PVT1: variants seen among roughly 807,000 people sequenced by gnomAD.
PVT1 encodes Pvt1 oncogene.
intron 4 of PVT1, among the ~76,000 whole-genome samples, chr8:128,065,229 T>C (rs1359966356): frequency 6.6e-6 from 1 of 152,086 alleles, no homozygotes; most frequent in Non-Finnish European, 1.5e-5. Context: ...TTTCACTCTG[T>C]CTCCCAGGCT....
chr8:127,935,788 C>T (rs143567199), intron 3 of PVT1, among the ~76,000 whole-genome samples: 360 of 152,278 alleles, frequency 2.4e-3, no homozygotes, highest in African/African-American at 8.0e-3. Flanking sequence ...CCGTATGGAG[C>T]GGAGAACAGT....
intron 5 of PVT1, among the ~76,000 whole-genome samples, chr8:128,079,282 T>G (rs1814141805): frequency 6.6e-6 from 1 of 152,210 alleles, no homozygotes; most frequent in Non-Finnish European, 1.5e-5. Context: ...TGCTCAGCTC[T>G]CTGTGTGTAT....
At chr8:128,033,926 A>G (rs1203333884) in intron 4 of PVT1, among the ~76,000 whole-genome samples, 1 of 152,040 alleles carries the variant, frequency 6.6e-6, no homozygotes, top group Non-Finnish European at 1.5e-5. Flanking sequence ...TTGCTTTCCC[A>G]TGTTAAGAAG....
chr8:127,986,925 C>A (rs1357368985), intron 3 of PVT1, among the ~76,000 whole-genome samples: 1 of 152,128 alleles, frequency 6.6e-6, no homozygotes, highest in African/African-American at 2.4e-5. Flanking sequence ...TTATTGCAAC[C>A]CCATCTCCCC....
chr8:127,991,106 G>A (rs574277993), intron 4 of PVT1, among the ~76,000 whole-genome samples: 1 of 151,608 alleles, frequency 6.6e-6, no homozygotes, highest in South Asian at 2.1e-4. Flanking sequence ...GTCTTCCTTG[G>A]GAGCCCTACG....
At chr8:128,014,365 C>T (rs1817348307) in intron 4 of PVT1, among the ~76,000 whole-genome samples, 1 of 152,210 alleles carries the variant, frequency 6.6e-6, no homozygotes, top group African/African-American at 2.4e-5. Context: ...AACAACGCTC[C>T]CTCATTGGAG....
intron 3 of PVT1, among the ~76,000 whole-genome samples, chr8:127,970,037 C>G (rs957609631): frequency 6.6e-6 from 1 of 152,174 alleles, no homozygotes. Flanking sequence ...GCTCTGACAC[C>G]CATGGTCTCC....
chr8:128,093,331 G>A (rs1446715540), intron 5 of PVT1, among the ~76,000 whole-genome samples: 2 of 152,142 alleles, frequency 1.3e-5, no homozygotes, highest in African/African-American at 4.8e-5. Flanking sequence ...GCCGAGGTGG[G>A]CGGATCACCT....
intron 2 of PVT1, among the ~76,000 whole-genome samples, chr8:127,841,110 A>G (rs1436633511): frequency 3.9e-5 from 6 of 152,340 alleles, no homozygotes; most frequent in Admixed American, 6.5e-5. Context: ...TGGGGAAAGT[A>G]TACATCAGAG....
At chr8:127,976,492 C>A (rs1246559370) in intron 3 of PVT1, among the ~76,000 whole-genome samples, 1 of 152,200 alleles carries the variant, frequency 6.6e-6, no homozygotes, top group Non-Finnish European at 1.5e-5. Flanking sequence ...TTATAGTCCT[C>A]CTGCTGAACC....
chr8:127,821,956 C>T (rs1379371355), intron 2 of PVT1, among the ~76,000 whole-genome samples: 1 of 152,138 alleles, frequency 6.6e-6, no homozygotes, highest in Non-Finnish European at 1.5e-5. Flanking sequence ...GGCAGGCCTA[C>T]CAGGTGTGGA....
At chr8:127,961,220 G>A (rs1816638828) in intron 3 of PVT1, among the ~76,000 whole-genome samples, 2 of 152,200 alleles carry the variant, frequency 1.3e-5, no homozygotes, top group African/African-American at 2.4e-5. Context: ...GTGAGAGAGG[G>A]AGAGATTAGC....
intron 2 of PVT1, among the ~76,000 whole-genome samples, chr8:127,827,666 C>A (rs1814806225): frequency 6.6e-6 from 1 of 152,116 alleles, no homozygotes; most frequent in African/African-American, 2.4e-5. Context: ...AGGCCCCATG[C>A]ACGGAGTTGG....
chr8:127,918,146 C>T (rs1004136869), intron 3 of PVT1, among the ~76,000 whole-genome samples: 8 of 152,334 alleles, frequency 5.3e-5, no homozygotes, highest in South Asian at 2.1e-4. Flanking sequence ...GACTCGGGGG[C>T]GGCCTGCGCC....
chr8:128,033,504 A>T (rs1252714487), intron 4 of PVT1, among the ~76,000 whole-genome samples: 2 of 152,226 alleles, frequency 1.3e-5, no homozygotes, highest in Non-Finnish European at 2.9e-5. Flanking sequence ...CAGGCTTTCC[A>T]CAAGCTTCTC....
At chr8:128,049,566 T>A (rs1447246456) in intron 4 of PVT1, among the ~76,000 whole-genome samples, 1 of 152,214 alleles carries the variant, frequency 6.6e-6, no homozygotes, top group Non-Finnish European at 1.5e-5. Flanking sequence ...TGCTCTTCTC[T>A]GCCTTGTTTT....
chr8:128,015,502 G>A (rs577266047), intron 4 of PVT1, among the ~76,000 whole-genome samples: 8 of 152,090 alleles, frequency 5.3e-5, no homozygotes, highest in African/African-American at 1.2e-4. Context: ...GAAGCTGGGC[G>A]CAGTGGCTCA....
chr8:127,952,259 C>T (rs375072816), intron 3 of PVT1, among the ~76,000 whole-genome samples: 8 of 152,352 alleles, frequency 5.3e-5, no homozygotes, highest in African/African-American at 1.4e-4. Flanking sequence ...AAAGACTGCC[C>T]TGGCCTCCAT....
chr8:127,804,259 G>T (rs1259530671), intron 2 of PVT1, among the ~76,000 whole-genome samples: 1 of 152,070 alleles, frequency 6.6e-6, no homozygotes, highest in Non-Finnish European at 1.5e-5. Context: ...GGTGGGGTTG[G>T]TAAATTCATA....
Sources: gnomAD v4.1 joint callset for allele counts (sites outside exome capture counted in the v4.1 genomes callset) on GRCh38, gnomAD v4.1.1 for gene constraint, MANE v1.5 for transcripts, NCBI Gene and HGNC (gene_info 2026-07-23, HGNC 2026-07-21) for gene names.